YEATS2: variants seen among roughly 807,000 people sequenced by gnomAD.
YEATS2 encodes YEATS domain-containing protein 2.
In YEATS2, 77 loss-of-function variants were observed where a neutral mutation model predicts 163.2. That is an observed-to-expected ratio of 0.47 (90% CI 0.39 to 0.57). The LOEUF is 0.57. Among genes scored for constraint, YEATS2 ranks in the 20% least tolerant of loss-of-function variants. The pLI, the probability that YEATS2 is intolerant of heterozygous loss-of-function variation, is 0.00. For synonymous variants in YEATS2, 631 were observed against 645.1 expected (o/e 0.98, Z 0.33); for missense variants, 1,549 against 1,729.8 (o/e 0.90, Z 1.85).
intron 26 of YEATS2, 175 bp from the exon 27 acceptor site, chr3:183,803,806 TATTAGC>T: frequency 1.6e-6 from 1 of 641,898 alleles, no homozygotes; most frequent in Non-Finnish European, 2.6e-6. Context: ...TGTTTTATTG[TATTAGC>T]ATTAGGGAAG....
rs770582540 is a variant in YEATS2, at chr3:183,722,129, C to T, written c.530C>T (p.Thr177Ile). ...ATGGAGCAGAGACCAAGCCGAAATA[C>T]TGGAAGGGTATATAGATGGGTGGAT... The part of the protein sequence containing the change: ...NNMEQRPSRN[T>I]GRDTSRITGS... The change falls in exon 5 of 31, where the codon ACT becomes ATT. Residue 177 changes from threonine (T) to isoleucine (I), a missense_variant. Coordinates refer to ENST00000305135, the MANE Select transcript of YEATS2 (RefSeq NM_018023.5). 3 of 1,613,720 alleles carry T rather than the reference C, an allele frequency of 1.9e-6. No individual in the cohort carries two copies. The highest frequency in any genetic ancestry group is 2.2e-5 in the East Asian group (1 of 44,832).
intron 1 of YEATS2, among the ~76,000 whole-genome samples, chr3:183,705,692 G>A (rs11711584): frequency 0.14 from 20,634 of 151,890 alleles, 1,815 homozygotes; most frequent in South Asian, 0.19. Flanking sequence ...ACTAATGTAA[G>A]GTAGTAGTTA....
intron 4 of YEATS2, 34 bp from the exon 5 acceptor site, chr3:183,721,857 T>G (rs61693521): frequency 1.2e-6 from 2 of 1,606,948 alleles, no homozygotes; most frequent in East Asian, 2.2e-5. Context: ...TGGATTTGAT[T>G]AAAAATTTAT....
At position 183,798,029 on chromosome 3, in the gene YEATS2, G is replaced by A. The variant is rs984505196; in HGVS notation, c.3204G>A (p.Thr1068=). Residue 1068 remains threonine (T), a synonymous_variant, in exon 22 of 31, where the codon ACG becomes ACA. Transcript: ENST00000305135. ...TAAACACATCTGGAGGGGTGCAGAC[G>A]ATCCTGATGCCTGTGAATAAAGGTG... ...LSVNTSGGVQ[T]ILMPVNKVVQ... 2.7e-5 allele frequency: 43 copies of A among 1,613,894 alleles called. No homozygotes were observed. Among genetic ancestry groups the A allele is most frequent in the Non-Finnish European group, 3.5e-5 (41 of 1,179,952 alleles).
At chr3:183,719,675 C>CT (rs145556774) in intron 4 of YEATS2, among the ~76,000 whole-genome samples, 2,533 of 148,820 alleles carry the variant, frequency 0.017, 50 homozygotes, top group African/African-American at 0.058. Context: ...TGTTTTCTTT[C>CT]TTTTTTTTTT....
intron 12 of YEATS2, among the ~76,000 whole-genome samples, chr3:183,757,084 T>G (rs78777132): frequency 6.6e-6 from 1 of 152,096 alleles, no homozygotes; most frequent in Non-Finnish European, 1.5e-5. Context: ...AAAAATGATA[T>G]TATTTTCTTC....
intron 22 of YEATS2, 109 bp downstream of exon 22, chr3:183,798,160 G>A (rs752762480): frequency 5.6e-5 from 83 of 1,484,832 alleles, no homozygotes; most frequent in Admixed American, 9.5e-5. Flanking sequence ...CAGCTGTCAC[G>A]GTATTCCCAG....
chr3:183,807,060 G>C lies in YEATS2; in HGVS notation c.3979G>C (p.Gly1327Arg). 2.5e-6 allele frequency: 4 copies of C among 1,613,924 alleles called. No homozygotes were observed. The highest frequency in any genetic ancestry group is 3.4e-6 in the Non-Finnish European group (4 of 1,179,998). The change falls in exon 28 of 31, where the codon GGG becomes CGG. Residue 1327 changes from glycine (G) to arginine (R), a missense_variant. Physicochemically the swap from Gly to Arg is moderately radical, Grantham distance 125. Transcript: ENST00000305135. The part of the protein sequence containing the change: ...EVKFYLPPTP[G>R]SEFIGDVTQK... ...CAAGTTCTACCTGCCACCAACCCCA[G>C]GGTCTGAATTTATTGGGGATGTCAC...
intron 2 of YEATS2, 48 bp downstream of exon 2, chr3:183,715,310 C>T (rs202111571): frequency 2.9e-5 from 39 of 1,348,530 alleles, no homozygotes; most frequent in South Asian, 6.0e-5. Flanking sequence ...CATATGCCTC[C>T]GCTAGAAAAC....
chr3:183,797,837 T>C, intron 21 of YEATS2, 86 bp from the exon 22 acceptor site: 3 of 1,549,800 alleles, frequency 1.9e-6, no homozygotes, highest in Non-Finnish European at 2.6e-6. Flanking sequence ...ACTTCCTCCA[T>C]GACAAAATAT....
intron 8 of YEATS2, 23 bp from the exon 9 acceptor site, chr3:183,747,649 C>T: frequency 1.2e-6 from 2 of 1,605,762 alleles, no homozygotes; most frequent in Non-Finnish European, 1.7e-6. Context: ...AAATTTAACA[C>T]TCTCCCTTTT....
intron 15 of YEATS2, among the ~76,000 whole-genome samples, chr3:183,769,960 C>T (rs1722287059): frequency 1.3e-5 from 2 of 151,268 alleles, no homozygotes; most frequent in African/African-American, 4.8e-5. Flanking sequence ...GCTGGGATTA[C>T]AGGCGCGAGC....
At chr3:183,760,666 G>A (rs796811834) in intron 13 of YEATS2, among the ~76,000 whole-genome samples, 22 of 152,266 alleles carry the variant, frequency 1.4e-4, no homozygotes, top group African/African-American at 4.3e-4. Flanking sequence ...GTCTTTGCCT[G>A]TGCCAAATTA....
intron 1 of YEATS2, among the ~76,000 whole-genome samples, chr3:183,708,957 C>T (rs114638879): frequency 0.036 from 5,411 of 151,920 alleles, 320 homozygotes; most frequent in African/African-American, 0.12. Flanking sequence ...GTCAGAGATT[C>T]GAGACCAGCC....
At chr3:183,770,383 A>C (rs1722337571) in intron 15 of YEATS2, among the ~76,000 whole-genome samples, 1 of 152,154 alleles carries the variant, frequency 6.6e-6, no homozygotes, top group Non-Finnish European at 1.5e-5. Flanking sequence ...CTCAAAAAAA[A>C]ACAAAAAACA....
intron 15 of YEATS2, among the ~76,000 whole-genome samples, chr3:183,770,363 G>A (rs1342955556): frequency 1.3e-5 from 2 of 151,774 alleles, no homozygotes; most frequent in East Asian, 1.9e-4. Flanking sequence ...GTGACAGAGC[G>A]AGACTCCGTC....
At chr3:183,708,305 G>A (rs1009615386) in intron 1 of YEATS2, among the ~76,000 whole-genome samples, 2 of 151,744 alleles carry the variant, frequency 1.3e-5, no homozygotes, top group African/African-American at 4.8e-5. Flanking sequence ...GGGACTACAG[G>A]CACTCGCCAC....
At chr3:183,778,564 C>G (rs976796172) in intron 19 of YEATS2, among the ~76,000 whole-genome samples, 10 of 152,160 alleles carry the variant, frequency 6.6e-5, no homozygotes, top group African/African-American at 2.4e-4. Context: ...CCATGTTGGT[C>G]AGGCTGGTCT....
At chr3:183,785,657 A>T (rs1481828882) in intron 19 of YEATS2, among the ~76,000 whole-genome samples, 1 of 152,060 alleles carries the variant, frequency 6.6e-6, no homozygotes, top group Non-Finnish European at 1.5e-5. Flanking sequence ...CCCTGTCTCT[A>T]AAAAAATAAA....
Sources: allele counts gnomAD v4.1 joint callset (sites outside exome capture counted in the v4.1 genomes callset), GRCh38; gene constraint gnomAD v4.1.1; transcripts MANE v1.5; gene names NCBI Gene and HGNC (gene_info 2026-07-23, HGNC 2026-07-21).